PRKN: variants seen among roughly 807,000 people sequenced by gnomAD.
PRKN encodes the protein E3 ubiquitin-protein ligase parkin.
In PRKN, 56 loss-of-function variants were observed where a neutral mutation model predicts 59.5. The ratio of observed to expected loss-of-function variants is 0.94; its 90% CI spans 0.76 to 1.18. The LOEUF (loss-of-function observed/expected upper bound fraction) is 1.18, where lower values mean the gene tolerates loss of function less well. PRKN is among the 50% of genes most tolerant of loss of function. The probability of loss-of-function intolerance (pLI) is 0.00; values close to 1 mark genes in which losing one functional copy is unlikely to be tolerated. For missense variants in PRKN, 657 were observed against 596.4 expected, an observed-to-expected ratio of 1.10 and a Z score of -1.06; for synonymous variants, 250 against 222.1, an observed-to-expected ratio of 1.13 and a Z score of -1.12.
At chr6:161,950,680 C>A (rs951353848) in intron 6 of PRKN, among the ~76,000 whole-genome samples, 1 of 152,034 alleles carries the variant, frequency 6.6e-6, no homozygotes, top group Non-Finnish European at 1.5e-5. Flanking sequence ...AAGGGTATGG[C>A]GTTGTAGGGA....
intron 1 of PRKN, among the ~76,000 whole-genome samples, chr6:162,506,722 G>A (rs1474009993): frequency 6.6e-6 from 1 of 152,126 alleles, no homozygotes; most frequent in African/African-American, 2.4e-5. Context: ...TATCAATACA[G>A]TGGGAAGAGA....
At chr6:162,519,166 G>A (rs879593140) in intron 1 of PRKN, among the ~76,000 whole-genome samples, 4 of 152,064 alleles carry the variant, frequency 2.6e-5, no homozygotes, top group Admixed American at 6.6e-5. Context: ...GCGAAACTCC[G>A]TCTCAAAAAA....
intron 7 of PRKN, among the ~76,000 whole-genome samples, chr6:161,687,981 T>A (rs1308212070): frequency 6.6e-6 from 1 of 152,204 alleles, no homozygotes; most frequent in Non-Finnish European, 1.5e-5. Flanking sequence ...TTTTTTCTTT[T>A]CATTCCATAT....
intron 2 of PRKN, among the ~76,000 whole-genome samples, chr6:162,336,035 A>G (rs1052740673): frequency 6.6e-6 from 1 of 151,854 alleles, no homozygotes; most frequent in Non-Finnish European, 1.5e-5. Context: ...GCGTGATGCT[A>G]AAGAACCTCT....
chr6:161,716,851 C>G (rs114823690), intron 7 of PRKN, among the ~76,000 whole-genome samples: 1 of 152,136 alleles, frequency 6.6e-6, no homozygotes. Context: ...TGGGAAGAGG[C>G]CTTCAGCTTA....
At chr6:161,866,407 C>T (rs985573117) in intron 6 of PRKN, among the ~76,000 whole-genome samples, 1 of 152,018 alleles carries the variant, frequency 6.6e-6, no homozygotes, top group Non-Finnish European at 1.5e-5. Flanking sequence ...AACCCTGTCT[C>T]TACTAAAAAT....
Position 161,447,786 on chromosome 6 carries a change from G to A in PRKN, c.1084-60909C>T, listed in dbSNP as rs776644000. ...GGGATTACAGGTATGAGCCACCGTGGCTGGCCTCCTTTTTCTTTTAAACAC... is the reference window on the plus strand; with the variant it reads ...GGGATTACAGGTATGAGCCACCGTGACTGGCCTCCTTTTTCTTTTAAACAC... On this transcript the variant is annotated intron_variant, in intron 9 of 11. Transcript: ENST00000366898. The surrounding 1 kb of genome is among the most constrained non-coding windows in gnomAD (Gnocchi z 4.1). Among the ~76,000 whole-genome samples, 2 of 152,140 alleles carry A rather than the reference G, an allele frequency of 1.3e-5. No individual in the cohort carries two copies. Among genetic ancestry groups the A allele is most frequent in the Non-Finnish European group, 2.9e-5 (2 of 68,032 alleles).
In PRKN at chr6:162,030,825, A is replaced by G. The variant is rs553890433; in HGVS notation, c.618+23266T>C. Among the ~76,000 whole-genome samples the G allele has an allele frequency of 1.9e-3, 292 of 152,274 alleles. 2 individuals are homozygous for G. The highest frequency in any genetic ancestry group is 6.9e-3 in the African/African-American group (288 of 41,554). ...CAGGTGATGGACACCCTCCTGGAGA[A>G]TTAACGAAACATCTCTATCAAGAGC... On this transcript the variant is annotated intron_variant, in intron 5 of 11. Coordinates refer to ENST00000366898, the MANE Select transcript of PRKN (RefSeq NM_004562.3).
intron 2 of PRKN, among the ~76,000 whole-genome samples, chr6:162,304,538 TC>T (rs1782135796): frequency 7.6e-6 from 1 of 130,868 alleles, no homozygotes. Flanking sequence ...TATCTATCTA[TC>T]TATCTATTTA....
At chr6:162,285,723 G>A (rs1382865135) in intron 2 of PRKN, among the ~76,000 whole-genome samples, 2 of 152,048 alleles carry the variant, frequency 1.3e-5, no homozygotes, top group Non-Finnish European at 2.9e-5. Context: ...CCTCTTCCCC[G>A]ACACCAGATG....
intron 5 of PRKN, among the ~76,000 whole-genome samples, chr6:162,035,924 T>G (rs1400005875): frequency 6.6e-6 from 1 of 152,220 alleles, no homozygotes; most frequent in Non-Finnish European, 1.5e-5. Flanking sequence ...AATCAAATAT[T>G]TAAATGTTTT....
intron 1 of PRKN, among the ~76,000 whole-genome samples, chr6:162,447,574 G>T (rs1462342921): frequency 1.3e-5 from 2 of 152,106 alleles, no homozygotes; most frequent in East Asian, 1.9e-4. Flanking sequence ...CCTAACCAGG[G>T]TTGAGAAGTC....
At chr6:162,484,037 T>C (rs1173649544) in intron 1 of PRKN, among the ~76,000 whole-genome samples, 1 of 152,184 alleles carries the variant, frequency 6.6e-6, no homozygotes, top group Non-Finnish European at 1.5e-5. Context: ...TGATCATCTG[T>C]ATTAAAAAGA....
In PRKN at chr6:162,723,031, C is replaced by G. The variant is rs140137934; in HGVS notation, c.7+4631G>C. Among the ~76,000 whole-genome samples the G allele has an allele frequency of 5.9e-5, 9 of 152,262 alleles. 1 individual carries two copies. Among genetic ancestry groups the G allele is most frequent in the South Asian group, 2.1e-4 (1 of 4,826 alleles). On this transcript the variant is annotated intron_variant, in intron 1 of 11. Coordinates refer to ENST00000366898, the MANE Select transcript of PRKN (RefSeq NM_004562.3). ...CTTATCAAAATGGCAGGGCAAAGAG[C>G]AGTACACAGTATATTCAACTAGAAA...
Position 161,483,235 on chromosome 6 carries a change from G to A in PRKN, c.1083+65619C>T, listed in dbSNP as rs1791500860. 6.6e-6 allele frequency among the ~76,000 whole-genome samples: 1 copy of A among 151,702 alleles called. No individual in the cohort carries two copies. The highest frequency in any genetic ancestry group is 1.5e-5 in the Non-Finnish European group (1 of 67,988). ...CTTCGCCAGAGATGCTTAGAGTTAG[G>A]TGAAATAGAGATAACTATTTTCATA... On this transcript the variant is annotated intron_variant, in intron 9 of 11. Coordinates refer to ENST00000366898, the MANE Select transcript of PRKN (RefSeq NM_004562.3). The surrounding 1 kb of genome is among the most constrained non-coding windows in gnomAD (Gnocchi z 5.0).
At chr6:162,319,157 A>G (rs1383792162) in intron 2 of PRKN, among the ~76,000 whole-genome samples, 2 of 152,154 alleles carry the variant, frequency 1.3e-5, no homozygotes, top group Non-Finnish European at 2.9e-5. Context: ...AGAAACAAAC[A>G]TATTTGTTTT....
At chr6:161,408,545 A>G (rs887334291) in intron 9 of PRKN, among the ~76,000 whole-genome samples, 2 of 150,630 alleles carry the variant, frequency 1.3e-5, no homozygotes, top group African/African-American at 2.4e-5. Flanking sequence ...TACTTTTGTA[A>G]TAATAAAAAC....
At chr6:162,666,311 T>C (rs1489793398) in intron 1 of PRKN, among the ~76,000 whole-genome samples, 1 of 152,100 alleles carries the variant, frequency 6.6e-6, no homozygotes, top group African/African-American at 2.4e-5. Flanking sequence ...ATAAATATCC[T>C]GGATTTTCCA....
chr6:161,920,955 A>T (rs1187768954), intron 6 of PRKN, among the ~76,000 whole-genome samples: 2 of 152,090 alleles, frequency 1.3e-5, no homozygotes, highest in African/African-American at 2.4e-5. Context: ...GTTACACTAA[A>T]TGTATACAAC....
Sources: gnomAD v4.1 joint callset for allele counts (sites outside exome capture counted in the v4.1 genomes callset) on GRCh38, gnomAD v4.1.1 for gene constraint, Gnocchi (gnomAD v3.1) non-coding constraint, MANE v1.5 for transcripts, NCBI Gene and HGNC (gene_info 2026-07-23, HGNC 2026-07-21) for gene names.